Variants in SHISA6 observed in about 807,000 individuals in gnomAD.
SHISA6 encodes shisa family member 6, also known as protein shisa-6.
A neutral mutation model predicts 47.9 loss-of-function variants in SHISA6; 22 were observed. That is an observed-to-expected ratio of 0.46 (90% CI 0.33 to 0.66). The LOEUF (loss-of-function observed/expected upper bound fraction) is 0.66, where lower values mean the gene tolerates loss of function less well. Among genes scored for constraint, SHISA6 ranks in the 30% least tolerant of loss-of-function variants. The pLI is 0.02. For missense variants in SHISA6, 680 were observed against 764.6 expected (o/e 0.89, Z 1.30); for synonymous variants, 388 against 337.8 (o/e 1.15, Z -1.63).
intron 2 of SHISA6, among the ~76,000 whole-genome samples, chr17:11,327,222 C>G (rs1241260860): frequency 6.6e-6 from 1 of 152,134 alleles, no homozygotes; most frequent in Admixed American, 6.5e-5. Flanking sequence ...AGGATTCTTC[C>G]TAGGTCGCAT....
intron 2 of SHISA6, among the ~76,000 whole-genome samples, chr17:11,324,509 A>G (rs1910810224): frequency 6.6e-6 from 1 of 152,058 alleles, no homozygotes. Flanking sequence ...AGCTTCCTGG[A>G]TAGTAGAAGC....
At chr17:11,533,225 C>T (rs1269356762) in intron 3 of SHISA6, among the ~76,000 whole-genome samples, 5 of 152,302 alleles carry the variant, frequency 3.3e-5, no homozygotes, top group African/African-American at 9.6e-5. Context: ...GATTCAGCTG[C>T]CGTTACCTCC....
rs541722681 is a variant in SHISA6, at chr17:11,276,675, T to C, written c.799+13149T>C. On this transcript the variant is annotated intron_variant, in intron 2 of 5. Transcript: ENST00000441885. ...CTCACCATGACCATCACCACTGCCA[T>C]TGACATCACCACCACCATCATCACC... 2.7e-3 allele frequency among the ~76,000 whole-genome samples: 417 copies of C among 151,992 alleles called. 2 individuals carry two copies. Among genetic ancestry groups the C allele is most frequent in the African/African-American group, 9.4e-3 (390 of 41,458 alleles).
At chr17:11,490,613 A>G (rs1916451537) in intron 3 of SHISA6, among the ~76,000 whole-genome samples, 1 of 152,174 alleles carries the variant, frequency 6.6e-6, no homozygotes, top group Admixed American at 6.5e-5. Flanking sequence ...GTTCTGGAGA[A>G]GTGCAGCCGG....
intron 2 of SHISA6, among the ~76,000 whole-genome samples, chr17:11,278,268 G>C (rs1908994908): frequency 6.6e-6 from 1 of 152,242 alleles, no homozygotes; most frequent in South Asian, 2.1e-4. Flanking sequence ...TTCTGATATG[G>C]AGGCTGCAGA....
chr17:11,554,264 C>T (rs912826067), intron 4 of SHISA6, among the ~76,000 whole-genome samples: 3 of 152,162 alleles, frequency 2.0e-5, no homozygotes, highest in Non-Finnish European at 4.4e-5. Context: ...CAAGGAGGCT[C>T]TTTCTGTACA....
intron 3 of SHISA6, among the ~76,000 whole-genome samples, chr17:11,433,837 C>G (rs941673779): frequency 7.9e-5 from 12 of 152,028 alleles, no homozygotes; most frequent in Non-Finnish European, 4.4e-5. Context: ...ATGCAAAGCC[C>G]CAGGAGAGCA....
chr17:11,309,104 A>G (rs1910232100), intron 2 of SHISA6, among the ~76,000 whole-genome samples: 1 of 152,158 alleles, frequency 6.6e-6, no homozygotes, highest in Non-Finnish European at 1.5e-5. Flanking sequence ...AGCTGGGACT[A>G]CAAGTGCATG....
chr17:11,435,508 G>T (rs1914911723), intron 3 of SHISA6, among the ~76,000 whole-genome samples: 1 of 152,020 alleles, frequency 6.6e-6, no homozygotes, highest in Non-Finnish European at 1.5e-5. Context: ...GACATAACTT[G>T]AAACCTGGCA....
intron 3 of SHISA6, among the ~76,000 whole-genome samples, chr17:11,443,697 A>T (rs1416503192): frequency 1.3e-5 from 2 of 152,202 alleles, no homozygotes; most frequent in Admixed American, 1.3e-4. Flanking sequence ...TAACCACCCA[A>T]TGAATATTTG....
chr17:11,427,070 G>C lies in SHISA6; in HGVS notation c.895+47561G>C, dbSNP rs547477112. Among the ~76,000 whole-genome samples the C allele has an allele frequency of 1.2e-4, 18 of 152,302 alleles. No homozygotes were observed. In the South Asian group the frequency reaches 3.3e-3, roughly 28 times the overall value. On this transcript the variant is annotated intron_variant, in intron 3 of 5. Transcript: ENST00000441885. ...GGGGGTAATGCAAAACTTTTCTAAA[G>C]TTCCTCTCTGGTGCCTTTCGGTCAG...
rs191300870 is a variant in SHISA6 at position 11,337,280 on chromosome 17, G to A, written c.800-42134G>A. ...GCGATACATGAATGAGCTGATTATC[G>A]CTGTGGGCATCTGGAATTCAGCCCC... On this transcript the variant is annotated intron_variant, in intron 2 of 5. Transcript: ENST00000441885. 1.4e-4 allele frequency among the ~76,000 whole-genome samples: 21 copies of A among 152,238 alleles called. No homozygotes were observed. The East Asian group carries it at 2.5e-3, about 18-fold the overall frequency.
At chr17:11,444,353 A>AAAATT (rs1310733767) in intron 3 of SHISA6, among the ~76,000 whole-genome samples, 1 of 152,108 alleles carries the variant, frequency 6.6e-6, no homozygotes, top group Admixed American at 6.5e-5. Context: ...AAGGAAGGAG[A>AAAATT]AAATTAAATT....
intron 3 of SHISA6, among the ~76,000 whole-genome samples, chr17:11,544,170 T>TGGTATAC (rs2071860443): frequency 6.6e-6 from 1 of 152,124 alleles, no homozygotes; most frequent in Non-Finnish European, 1.5e-5. Flanking sequence ...AGAGAGTTCC[T>TGGTATAC]AAGCTTGATA....
intron 1 of SHISA6, among the ~76,000 whole-genome samples, chr17:11,262,978 T>C (rs1047122381): frequency 8.5e-5 from 13 of 152,224 alleles, no homozygotes; most frequent in African/African-American, 2.9e-4. Flanking sequence ...CTGATATTAG[T>C]GACCTGCTGC....
intron 3 of SHISA6, among the ~76,000 whole-genome samples, chr17:11,530,282 CAA>C (rs1491088837): frequency 6.6e-6 from 1 of 152,090 alleles, no homozygotes; most frequent in East Asian, 1.9e-4. Context: ...CACACACACA[CAA>C]GTTACAATGT....
At chr17:11,477,245 A>G (rs544555346) in intron 3 of SHISA6, among the ~76,000 whole-genome samples, 1 of 152,198 alleles carries the variant, frequency 6.6e-6, no homozygotes, top group South Asian at 2.1e-4. Flanking sequence ...GTGCATTTAG[A>G]CCATTGATGT....
At chr17:11,303,989 A>G (rs1388929139) in intron 2 of SHISA6, among the ~76,000 whole-genome samples, 1 of 152,192 alleles carries the variant, frequency 6.6e-6, no homozygotes, top group Non-Finnish European at 1.5e-5. Flanking sequence ...CTCCATATCC[A>G]GGAGCAGATG....
At chr17:11,353,284 C>G (rs1911953502) in intron 2 of SHISA6, among the ~76,000 whole-genome samples, 1 of 152,066 alleles carries the variant, frequency 6.6e-6, no homozygotes, top group African/African-American at 2.4e-5. Flanking sequence ...TGGTGAAACC[C>G]CGTCTCTACT....
Sources: allele counts gnomAD v4.1 joint callset (sites outside exome capture counted in the v4.1 genomes callset), GRCh38; gene constraint gnomAD v4.1.1; transcripts MANE v1.5; gene names NCBI Gene and HGNC (gene_info 2026-07-23, HGNC 2026-07-21).